UGT1A8: variants seen among roughly 807,000 people sequenced by gnomAD.
The protein encoded by UGT1A8 is UDP glucuronosyltransferase family 1 member A8.
A neutral mutation model predicts 45.3 loss-of-function variants in UGT1A8; 39 were observed. That is an observed-to-expected ratio of 0.86 (90% confidence interval 0.67 to 1.12). The LOEUF (loss-of-function observed/expected upper bound fraction) is 1.12. UGT1A8 is among the 50% of genes most tolerant of loss of function. The pLI is 0.00. For missense variants in UGT1A8, 719 were observed against 664.9 expected (o/e 1.08, Z -0.90); for synonymous variants, 275 against 249.2 (o/e 1.10, Z -0.97).
intron 1 of UGT1A8, among the ~76,000 whole-genome samples, chr2:233,688,055 C>T (rs1030509635): frequency 4.6e-5 from 7 of 152,218 alleles, no homozygotes; most frequent in Non-Finnish European, 7.3e-5. Context: ...TTCCTCACTC[C>T]AAAAAGAAAC....
intron 1 of UGT1A8, among the ~76,000 whole-genome samples, chr2:233,722,436 A>T (rs984316554): frequency 6.6e-5 from 10 of 152,092 alleles, no homozygotes; most frequent in African/African-American, 2.4e-4. Flanking sequence ...GAATTATTTG[A>T]TTGGTCTTCT....
intron 1 of UGT1A8, chr2:233,690,923 CA>C (rs1196108099): frequency 2.0e-6 from 2 of 1,021,660 alleles, no homozygotes; most frequent in Non-Finnish European, 2.3e-6. Flanking sequence ...TTCATTTCTT[CA>C]GCTCCTTCCT....
At chr2:233,663,029 A>G (rs2074006188) in intron 1 of UGT1A8, among the ~76,000 whole-genome samples, 1 of 152,198 alleles carries the variant, frequency 6.6e-6, no homozygotes, top group African/African-American at 2.4e-5. Context: ...TGCACAGTTC[A>G]GTATCCAGTG....
chr2:233,728,265 C>G (rs1230027648), intron 1 of UGT1A8, among the ~76,000 whole-genome samples: 1 of 152,182 alleles, frequency 6.6e-6, no homozygotes, highest in Admixed American at 6.5e-5. Context: ...GAAATAAAGA[C>G]TGGAGCCTTC....
chr2:233,772,776 CTT>C lies in UGT1A8; in HGVS notation c.*219_*220del. On this transcript the variant is annotated 3_prime_UTR_variant, in exon 5 of 5. Transcript: ENST00000373450. Reference sequence around the variant, plus strand: ...ATATGTATCGTGCCCCCTCTGGTGTCTTTGATCAGGATGACATGTGCCATTTT... The same window carrying C: ...ATATGTATCGTGCCCCCTCTGGTGTCTGATCAGGATGACATGTGCCATTTT... The C allele has an allele frequency of 7.6e-7, 1 of 1,308,314 alleles. No individual in the cohort carries two copies. The highest frequency in any genetic ancestry group is 1.0e-6 in the Non-Finnish European group (1 of 993,234). The allele number at this position is 1,308,314 out of a possible 1,614,324, so 81.0% of individuals were successfully genotyped here.
intron 1 of UGT1A8, among the ~76,000 whole-genome samples, chr2:233,715,064 T>A (rs957202812): frequency 6.6e-6 from 1 of 152,062 alleles, no homozygotes; most frequent in African/African-American, 2.4e-5. Flanking sequence ...TTTTGTATTT[T>A]TTATGGAGAT....
At chr2:233,682,480 A>T in intron 1 of UGT1A8, 1 of 1,613,942 alleles carries the variant, frequency 6.2e-7, no homozygotes, top group Non-Finnish European at 8.5e-7. Flanking sequence ...AAGAAGGTGC[A>T]CAGTGCCCTG....
intron 1 of UGT1A8, chr2:233,713,068 C>T (rs2076275165): frequency 6.2e-7 from 1 of 1,614,140 alleles, no homozygotes; most frequent in South Asian, 1.1e-5. Flanking sequence ...CAGCCCTGGG[C>T]TGAGAGTGGG....
chr2:233,677,733 T>G (rs2074397979), intron 1 of UGT1A8, among the ~76,000 whole-genome samples: 1 of 152,112 alleles, frequency 6.6e-6, no homozygotes, highest in Non-Finnish European at 1.5e-5. Flanking sequence ...TTGGTGGGAA[T>G]GCAAATTAGT....
At chr2:233,741,868 C>T (rs566953182) in intron 1 of UGT1A8, 3 of 152,000 alleles carry the variant, frequency 2.0e-5, no homozygotes, top group South Asian at 2.1e-4. Flanking sequence ...GCAAACCTTT[C>T]CTCAGAGGTG....
chr2:233,743,634 C>G lies in UGT1A8; in HGVS notation c.856-23400C>G, dbSNP rs776464072. On this transcript the variant is annotated intron_variant, in intron 1 of 4. Coordinates refer to ENST00000373450, the MANE Select transcript of UGT1A8 (RefSeq NM_019076.5). ...AACTCCCTGAAGACGTCGGCTGGGT[C>G]GCGGAAGCTGAAGACGTACTCGAAG... is the stretch of plus-strand genomic sequence containing the variant. 14 of 1,367,180 alleles carry G rather than the reference C, an allele frequency of 1.0e-5. No individual in the cohort carries two copies. In the South Asian group the frequency reaches 1.5e-4, roughly 14 times the overall value. 84.7% of individuals were successfully genotyped at this position (1,367,180 alleles called of 1,614,324 possible).
chr2:233,713,014 C>T lies in UGT1A8; in HGVS notation c.856-54020C>T, dbSNP rs771842103. Reference sequence around the variant, plus strand: ...GAGATGGCCACAGGACTCCAGGTTCCCCTGCCGCAGCTGGCCACAGGACTG... The same window carrying T: ...GAGATGGCCACAGGACTCCAGGTTCTCCTGCCGCAGCTGGCCACAGGACTG... On this transcript the variant is annotated intron_variant, in intron 1 of 4. Coordinates refer to ENST00000373450, the MANE Select transcript of UGT1A8 (RefSeq NM_019076.5). 9 of 1,613,568 alleles carry T rather than the reference C, an allele frequency of 5.6e-6. No individual in the cohort carries two copies. In the African/African-American group the frequency reaches 8.0e-5, roughly 14 times the overall value.
intron 1 of UGT1A8, among the ~76,000 whole-genome samples, chr2:233,715,749 G>C (rs1295869903): frequency 1.3e-5 from 2 of 152,196 alleles, no homozygotes; most frequent in African/African-American, 2.4e-5. Flanking sequence ...TCCAGCCTGA[G>C]TGACAGAGCG....
intron 1 of UGT1A8, among the ~76,000 whole-genome samples, chr2:233,724,578 C>T (rs1404328313): frequency 0.029 from 3,589 of 123,690 alleles, 110 homozygotes; most frequent in African/African-American, 0.043. Context: ...GGGGCAGAGG[C>T]GCTCCCCACA....
At chr2:233,648,264 G>A (rs1053329205) in intron 1 of UGT1A8, 43 of 608,472 alleles carry the variant, frequency 7.1e-5, no homozygotes, top group Middle Eastern at 4.8e-4. Context: ...CTTTTGATGC[G>A]GTGTTTCTGG....
chr2:233,656,975 G>A (rs1378503926), intron 1 of UGT1A8, among the ~76,000 whole-genome samples: 1 of 151,718 alleles, frequency 6.6e-6, no homozygotes, highest in African/African-American at 2.4e-5. Context: ...GAGCCCAGGT[G>A]GAGCCTCCGC....
intron 1 of UGT1A8, chr2:233,682,228 C>T: frequency 1.2e-6 from 2 of 1,614,236 alleles, no homozygotes; most frequent in Non-Finnish European, 1.7e-6. Context: ...CCGATGCTCG[C>T]TGGACGGCAC....
chr2:233,770,092 A>G (rs969996398), intron 4 of UGT1A8: 1 of 152,744 alleles, frequency 6.5e-6, no homozygotes, highest in Non-Finnish European at 1.5e-5. Flanking sequence ...AGTGGTATAG[A>G]TAACTACTTG....
At chr2:233,685,678 A>G (rs2074749514) in intron 1 of UGT1A8, among the ~76,000 whole-genome samples, 1 of 152,234 alleles carries the variant, frequency 6.6e-6, no homozygotes, top group Non-Finnish European at 1.5e-5. Context: ...GTGTACCCAT[A>G]TAGCCATTCT....
Sources: allele counts gnomAD v4.1 joint callset (sites outside exome capture counted in the v4.1 genomes callset), GRCh38; gene constraint gnomAD v4.1.1; transcripts MANE v1.5; gene names NCBI Gene and HGNC (gene_info 2026-07-23, HGNC 2026-07-21).